CEP112: variants seen among roughly 807,000 people sequenced by gnomAD.
CEP112 encodes the protein centrosomal protein 112.
CEP112 carries 127 observed loss-of-function variants against 153.0 expected under a neutral mutation model. That is an observed-to-expected ratio of 0.83 (90% CI 0.72 to 0.96). The LOEUF (loss-of-function observed/expected upper bound fraction) is 0.96, where lower values mean the gene tolerates loss of function less well. Among genes scored for constraint, CEP112 ranks in the 40% least tolerant of loss-of-function variants. The pLI is 0.00. For synonymous variants in CEP112, 358 were observed against 374.4 expected, an observed-to-expected ratio of 0.96 and a Z score of 0.51; for missense variants, 1,089 against 1,101.2, an observed-to-expected ratio of 0.99 and a Z score of 0.16.
intron 24 of CEP112, among the ~76,000 whole-genome samples, chr17:65,658,384 G>A (rs183905468): frequency 1.4e-4 from 22 of 152,330 alleles, no homozygotes; most frequent in African/African-American, 5.0e-4. Context: ...ATGGCTATGG[G>A]AAGGTCATAA....
intron 20 of CEP112, among the ~76,000 whole-genome samples, chr17:65,862,603 A>ATAC (rs909997660): frequency 2.8e-4 from 43 of 152,058 alleles, no homozygotes; most frequent in African/African-American, 9.9e-4. Flanking sequence ...AATAATAATA[A>ATAC]TATGTTCCAA....
At chr17:65,916,250 A>AGTGTGTGTGTGTGTGTGTGTGTGTGT (rs3222034) in intron 19 of CEP112, among the ~76,000 whole-genome samples, 3 of 129,878 alleles carry the variant, frequency 2.3e-5, no homozygotes, top group South Asian at 2.8e-4. Flanking sequence ...TTTGAAAAAG[A>AGTGTGTGTGTGTGTGTGTGTGTGTGT]GTGTGTGTGT....
intron 23 of CEP112, among the ~76,000 whole-genome samples, chr17:65,701,911 T>G (rs1310259329): frequency 1.3e-5 from 2 of 149,464 alleles, no homozygotes; most frequent in South Asian, 4.3e-4. Context: ...TTTTTTTTTT[T>G]TTTTTGAGAC....
chr17:65,829,735 A>G (rs1013237391), intron 21 of CEP112, among the ~76,000 whole-genome samples: 4 of 152,220 alleles, frequency 2.6e-5, no homozygotes, highest in African/African-American at 7.2e-5. Flanking sequence ...GACTACAATG[A>G]TATTCAATAA....
At chr17:66,108,533 C>G (rs1273410750) in intron 6 of CEP112, among the ~76,000 whole-genome samples, 4 of 152,120 alleles carry the variant, frequency 2.6e-5, no homozygotes, top group Non-Finnish European at 5.9e-5. Context: ...TACTGATCAT[C>G]AGATAAATGC....
chr17:66,097,983 T>C (rs1568487091), intron 6 of CEP112, among the ~76,000 whole-genome samples: 1 of 152,200 alleles, frequency 6.6e-6, no homozygotes, highest in Non-Finnish European at 1.5e-5. Flanking sequence ...TCCTCACATA[T>C]TTTTAATTCA....
chr17:65,740,798 A>G (rs2051086464), intron 23 of CEP112, among the ~76,000 whole-genome samples: 1 of 152,218 alleles, frequency 6.6e-6, no homozygotes, highest in Admixed American at 6.5e-5. Flanking sequence ...TCTGAGTATC[A>G]ATATCTATTC....
chr17:66,177,102 C>A, intron 2 of CEP112, 82 bp from the exon 3 acceptor site: 1 of 1,132,074 alleles, frequency 8.8e-7, no homozygotes, highest in Non-Finnish European at 1.2e-6. Flanking sequence ...ATAGCACCTG[C>A]TTTAGTCTAA....
chr17:65,741,476 TA>T (rs917612143), intron 23 of CEP112, among the ~76,000 whole-genome samples: 1 of 150,928 alleles, frequency 6.6e-6, no homozygotes, highest in African/African-American at 2.4e-5. Flanking sequence ...ATATATATTA[TA>T]AAACTGTAAG....
At chr17:65,754,602 C>G (rs1479762922) in intron 21 of CEP112, among the ~76,000 whole-genome samples, 1 of 147,266 alleles carries the variant, frequency 6.8e-6, no homozygotes, top group Non-Finnish European at 1.5e-5. Context: ...AAGCTTCTGT[C>G]GCAAAAAATA....
intron 10 of CEP112, among the ~76,000 whole-genome samples, chr17:66,064,214 A>G (rs556959230): frequency 1.3e-5 from 2 of 152,342 alleles, no homozygotes; most frequent in South Asian, 2.1e-4. Context: ...AGGGCATAAC[A>G]GTGCCACACA....
intron 21 of CEP112, among the ~76,000 whole-genome samples, chr17:65,763,798 CATAT>C (rs1598501922): frequency 6.6e-6 from 1 of 152,046 alleles, no homozygotes; most frequent in East Asian, 1.9e-4. Flanking sequence ...AGATCTCTGT[CATAT>C]ATGAGTCTGG....
chr17:65,780,907 T>A (rs2053959953), intron 21 of CEP112, among the ~76,000 whole-genome samples: 1 of 152,146 alleles, frequency 6.6e-6, no homozygotes, highest in Non-Finnish European at 1.5e-5. Flanking sequence ...TAATGTCTTA[T>A]TTTTTGTTTT....
intron 24 of CEP112, among the ~76,000 whole-genome samples, chr17:65,667,610 T>C (rs1334260188): frequency 6.6e-6 from 1 of 151,782 alleles, no homozygotes; most frequent in Non-Finnish European, 1.5e-5. Flanking sequence ...GAATCTCTCA[T>C]AGAGGCTAAA....
At chr17:65,943,110 T>G (rs1260240817) in intron 18 of CEP112, among the ~76,000 whole-genome samples, 1 of 152,154 alleles carries the variant, frequency 6.6e-6, no homozygotes, top group Non-Finnish European at 1.5e-5. Flanking sequence ...TAGATATGAA[T>G]AGATAGGCAG....
At chr17:66,034,236 A>G (rs4791094) in intron 12 of CEP112, among the ~76,000 whole-genome samples, 62,517 of 152,078 alleles carry the variant, frequency 0.41, 14,326 homozygotes, top group East Asian at 0.87. Flanking sequence ...AGCATTTTAT[A>G]AGGTTATAAC....
chr17:66,018,532 G>A (rs1281220925), intron 16 of CEP112, among the ~76,000 whole-genome samples: 2 of 152,236 alleles, frequency 1.3e-5, no homozygotes, highest in Non-Finnish European at 1.5e-5. Flanking sequence ...AAAAATAAGG[G>A]TGATTAGATT....
At chr17:65,676,684 A>G (rs780017621) in intron 24 of CEP112, among the ~76,000 whole-genome samples, 5 of 152,222 alleles carry the variant, frequency 3.3e-5, no homozygotes, top group Non-Finnish European at 7.3e-5. Flanking sequence ...CAAAGTGTCT[A>G]AAGAGTTTAC....
chr17:66,138,102 G>C (rs74363997), intron 4 of CEP112, among the ~76,000 whole-genome samples: 163 of 152,270 alleles, frequency 1.1e-3, no homozygotes, highest in African/African-American at 3.7e-3. Flanking sequence ...TAGGGAAGAA[G>C]GCTTTATTTG....
Sources: gnomAD v4.1 joint callset for allele counts (sites outside exome capture counted in the v4.1 genomes callset) on GRCh38, gnomAD v4.1.1 for gene constraint, MANE v1.5 for transcripts, NCBI Gene and HGNC (gene_info 2026-07-23, HGNC 2026-07-21) for gene names.